Variants in CHN2 observed in about 807,000 individuals in gnomAD.
The protein encoded by CHN2 is beta-chimaerin.
In CHN2, 35 loss-of-function variants were observed where a neutral mutation model predicts 56.3. That is an observed-to-expected ratio of 0.62 (90% CI 0.47 to 0.82). The LOEUF (loss-of-function observed/expected upper bound fraction) is 0.82, where lower values mean the gene tolerates loss of function less well. CHN2 is among the 40% of genes least tolerant of loss of function. The probability of loss-of-function intolerance (pLI) is 0.00; values close to 1 mark genes in which losing one functional copy is unlikely to be tolerated. For missense variants in CHN2, 491 were observed against 580.5 expected (o/e 0.85, Z 1.58); for synonymous variants, 210 against 212.8 (o/e 0.99, Z 0.12).
intron 6 of CHN2, among the ~76,000 whole-genome samples, chr7:29,426,184 G>A (rs913633902): frequency 2.8e-5 from 4 of 144,424 alleles, no homozygotes; most frequent in African/African-American, 1.1e-4. Flanking sequence ...ACTCCAGCCT[G>A]GGTGATAGCG....
chr7:29,399,826 C>T (rs552519581), intron 5 of CHN2, among the ~76,000 whole-genome samples: 43 of 152,280 alleles, frequency 2.8e-4, no homozygotes, highest in Non-Finnish European at 5.9e-4. Context: ...TCTAGGTGTG[C>T]AAAATAATTT....
At chr7:29,306,212 T>TA (rs772951859) in intron 1 of CHN2, among the ~76,000 whole-genome samples, 3 of 152,208 alleles carry the variant, frequency 2.0e-5, no homozygotes, top group Non-Finnish European at 4.4e-5. Flanking sequence ...CTTTGGTCCC[T>TA]AAACTGGTGG....
intron 1 of CHN2, among the ~76,000 whole-genome samples, chr7:29,279,316 G>A (rs1378544988): frequency 6.6e-6 from 1 of 152,214 alleles, no homozygotes; most frequent in Non-Finnish European, 1.5e-5. Flanking sequence ...CGCGGCAGCT[G>A]TCCTTCTTAA....
Position 29,427,315 on chromosome 7 carries a change from A to AAAAT in CHN2, c.576+26498_576+26501dup, listed in dbSNP as rs1299002843. 2.6e-5 allele frequency among the ~76,000 whole-genome samples: 4 copies of AAAAT among 152,314 alleles called. No homozygotes were observed. In the South Asian group the frequency reaches 6.2e-4, roughly 24 times the overall value. ...CTGGGTGATAGAGTAAGACTGTCTC[A>AAAAT]AAATAAATAAATAATAAAGGATTCA... On this transcript the variant is annotated intron_variant, in intron 6 of 12. Transcript: ENST00000222792.
intron 6 of CHN2, among the ~76,000 whole-genome samples, chr7:29,413,048 T>C (rs1270761197): frequency 2.0e-5 from 3 of 152,182 alleles, no homozygotes; most frequent in Non-Finnish European, 4.4e-5. Context: ...GCATTACTCA[T>C]TTTGCAATAA....
chr7:29,479,757 C>G, intron 6 of CHN2: 1 of 1,165,016 alleles, frequency 8.6e-7, no homozygotes, highest in South Asian at 2.1e-5. Context: ...GAGACCTCTC[C>G]TTTGCAATGT....
Position 29,499,851 on chromosome 7 carries a change from G to A in CHN2, c.740-16G>A. 1 of 1,548,948 alleles carries A rather than the reference G, an allele frequency of 6.5e-7. No homozygotes were observed. The highest frequency in any genetic ancestry group is 8.7e-7 in the Non-Finnish European group (1 of 1,147,726). ...AAAAGGGCTGGGCTAGGCTAATGTG[G>A]CTTCTTTGTTTACAGACTGTGGATT... On this transcript the variant is annotated splice_polypyrimidine_tract_variant and intron_variant, in intron 8 of 12. Coordinates refer to ENST00000222792, the MANE Select transcript of CHN2 (RefSeq NM_004067.4).
chr7:29,251,479 A>C (rs891617279), intron 1 of CHN2, among the ~76,000 whole-genome samples: 11 of 152,140 alleles, frequency 7.2e-5, no homozygotes, highest in African/African-American at 2.7e-4. Flanking sequence ...AATAACATAA[A>C]ATAAAATAAA....
At chr7:29,511,438 C>T (rs1791377132) in intron 12 of CHN2, among the ~76,000 whole-genome samples, 1 of 152,116 alleles carries the variant, frequency 6.6e-6, no homozygotes, top group African/African-American at 2.4e-5. Context: ...ATGCTGACAC[C>T]TTTCAGCTGA....
At chr7:29,397,946 A>C (rs1801887353) in intron 4 of CHN2, 4 of 155,070 alleles carry the variant, frequency 2.6e-5, no homozygotes, top group Admixed American at 2.6e-4. Flanking sequence ...CACCTGAAGC[A>C]AGCAGGTTGC....
At chr7:29,187,934 G>A (rs890392222) in intron 2 of CHN2, among the ~76,000 whole-genome samples, 6 of 152,302 alleles carry the variant, frequency 3.9e-5, no homozygotes, top group African/African-American at 9.6e-5. Context: ...CTGTGAATGT[G>A]AAAGGTTATT....
At chr7:29,274,415 G>A (rs150069296) in intron 1 of CHN2, among the ~76,000 whole-genome samples, 31 of 152,308 alleles carry the variant, frequency 2.0e-4, no homozygotes, top group African/African-American at 7.5e-4. Context: ...CAGTACCCAA[G>A]GGCAGCTTAA....
chr7:29,509,205 TC>T lies in CHN2; in HGVS notation c.1130-92del, dbSNP rs1790979564. On this transcript the variant is annotated intron_variant, in intron 11 of 12. Coordinates refer to ENST00000222792, the MANE Select transcript of CHN2 (RefSeq NM_004067.4). The stretch of plus-strand genomic sequence containing the variant: ...GATTGCATGAATTTATTAGAATCCT[TC>T]CCCACTTCTGGCTAAAACAAAAACT... 4.9e-6 allele frequency: 4 copies of T among 810,640 alleles called. No homozygotes were observed. In the Admixed American group the frequency reaches 6.0e-5, roughly 12 times the overall value. 50.2% of individuals were successfully genotyped at this position (810,640 alleles called of 1,614,324 possible).
intron 2 of CHN2, among the ~76,000 whole-genome samples, chr7:29,174,885 A>G (rs1275451885): frequency 6.6e-6 from 1 of 151,896 alleles, no homozygotes; most frequent in Non-Finnish European, 1.5e-5. Context: ...AAGAATTTTT[A>G]GAGAGATACA....
At chr7:29,161,087 C>A (rs1270232756) in intron 2 of CHN2, among the ~76,000 whole-genome samples, 1 of 152,086 alleles carries the variant, frequency 6.6e-6, no homozygotes, top group Non-Finnish European at 1.5e-5. Context: ...GACTTCTTAC[C>A]AGATATTATC....
intron 3 of CHN2, among the ~76,000 whole-genome samples, chr7:29,374,891 T>C (rs1027192657): frequency 6.7e-6 from 1 of 149,000 alleles, no homozygotes; most frequent in African/African-American, 2.5e-5. Flanking sequence ...CTTTCTCTCT[T>C]TCTTTTTTTT....
intron 10 of CHN2, among the ~76,000 whole-genome samples, chr7:29,505,698 G>A (rs1239138000): frequency 6.6e-6 from 1 of 152,168 alleles, no homozygotes; most frequent in Non-Finnish European, 1.5e-5. Context: ...TAACCTCAGA[G>A]CTCCACTTCC....
chr7:29,238,142 C>T (rs1050079411), intron 1 of CHN2, among the ~76,000 whole-genome samples: 9 of 151,480 alleles, frequency 5.9e-5, no homozygotes, highest in South Asian at 2.1e-4. Flanking sequence ...CTCAGCCTCC[C>T]GAGTAGCTGG....
intron 2 of CHN2, among the ~76,000 whole-genome samples, chr7:29,365,656 A>G (rs35199512): frequency 0.25 from 37,981 of 152,100 alleles, 5,245 homozygotes; most frequent in Non-Finnish European, 0.32. Context: ...GTTGAAGGGA[A>G]CACTGTGTAT....
Sources: allele counts gnomAD v4.1 joint callset (sites outside exome capture counted in the v4.1 genomes callset), GRCh38; gene constraint gnomAD v4.1.1; transcripts MANE v1.5; gene names NCBI Gene and HGNC (gene_info 2026-07-23, HGNC 2026-07-21).